The following FBN2 variants were observed in gnomAD, a reference collection of about 807,000 sequenced individuals.
FBN2 encodes the protein fibrillin 2.
Under a neutral mutation model 355.6 loss-of-function variants are expected in FBN2, and 105 were observed. The observed-to-expected ratio is 0.30, with a 90% CI of 0.25 to 0.35. The LOEUF (loss-of-function observed/expected upper bound fraction) is 0.35, where lower values mean the gene tolerates loss of function less well. Among genes scored for constraint, FBN2 ranks in the 10% least tolerant of loss-of-function variants. The pLI, the probability that FBN2 is intolerant of heterozygous loss-of-function variation, is 1.00. For synonymous variants in FBN2, 1,350 were observed against 1,301.2 expected (o/e 1.04, Z -0.81); for missense variants, 3,280 against 3,758.7 (o/e 0.87, Z 3.33).
chr5:128,401,481 A>T (rs1415735385), intron 8 of FBN2, among the ~76,000 whole-genome samples: 8 of 152,174 alleles, frequency 5.3e-5, no homozygotes. Context: ...GAGGTCTTTA[A>T]ATTAAAAAAA....
rs1306636592 is a variant in FBN2 at position 128,483,364 on chromosome 5, A to T, written c.629-18443T>A. 2.6e-5 allele frequency among the ~76,000 whole-genome samples: 4 copies of T among 152,292 alleles called. No homozygotes were observed. In the East Asian group the frequency reaches 7.7e-4, roughly 29 times the overall value. ...GCTCAATAAAATATATGAACAAGGA[A>T]TTAGATGGGCCACACTGATTTAGGG... On this transcript the variant is annotated intron_variant, in intron 5 of 64. Coordinates refer to ENST00000262464, the MANE Select transcript of FBN2 (RefSeq NM_001999.4).
At position 128,397,482 on chromosome 5, in the gene FBN2, C is replaced by A. The variant is rs181519895; in HGVS notation, c.1079-2208G>T. 1.4e-3 allele frequency among the ~76,000 whole-genome samples: 207 copies of A among 152,208 alleles called. 1 individual carries two copies. Among genetic ancestry groups the A allele is most frequent in the African/African-American group, 4.6e-3 (192 of 41,552 alleles). The stretch of plus-strand genomic sequence containing the variant: ...AAAACCATAGCCTTGAGTCAAGAGA[C>A]CTAGTTTTACATTCAAATATTATTA... On this transcript the variant is annotated intron_variant, in intron 8 of 64. Coordinates refer to ENST00000262464, the MANE Select transcript of FBN2 (RefSeq NM_001999.4).
intron 64 of FBN2, 84 bp from the exon 65 acceptor site, chr5:128,259,913 GGTCACGAGGACAGGCT>G: frequency 6.9e-7 from 1 of 1,446,830 alleles, no homozygotes; most frequent in Non-Finnish European, 9.6e-7. Flanking sequence ...CAGGGGCTTT[GGTCACGAGGACAGGCT>G]GTGGCTTCCC....
In FBN2 at chr5:128,291,516, T is replaced by C. The variant is rs745695896; in HGVS notation, c.6292+13A>G. ...AGCGTGAACTGTGACAGTGAAGTCA[T>C]GCCAAATCTTACCAAAGCATCTCCG... On this transcript the variant is annotated intron_variant, in intron 49 of 64. Transcript: ENST00000262464. The C allele has an allele frequency of 1.9e-6, 3 of 1,613,682 alleles. No homozygotes were observed. The African/African-American group carries it at 4.0e-5, about 22-fold the overall frequency.
intron 3 of FBN2, among the ~76,000 whole-genome samples, chr5:128,529,908 T>C (rs1376929399): frequency 3.3e-5 from 5 of 152,172 alleles, no homozygotes; most frequent in Non-Finnish European, 7.4e-5. Context: ...CTGAATCTTA[T>C]TCCTGAGTCA....
At chr5:128,271,824 A>G (rs1008860246) in intron 62 of FBN2, among the ~76,000 whole-genome samples, 175 bp downstream of exon 62, 1 of 152,098 alleles carries the variant, frequency 6.6e-6, no homozygotes, top group African/African-American at 2.4e-5. Context: ...TTTAATAGAT[A>G]TTTTCAAACA....
chr5:128,476,442 C>A (rs1473731696), intron 5 of FBN2, among the ~76,000 whole-genome samples: 1 of 151,256 alleles, frequency 6.6e-6, no homozygotes, highest in Non-Finnish European at 1.5e-5. Context: ...CAAAGAAAAA[C>A]CAAAGAAAAT....
intron 11 of FBN2, among the ~76,000 whole-genome samples, chr5:128,380,990 T>C (rs1025188228): frequency 1.3e-5 from 2 of 151,056 alleles, no homozygotes; most frequent in Admixed American, 1.3e-4. Flanking sequence ...TTATCAAAAT[T>C]GTTAATTTCT....
chr5:128,354,200 C>T (rs1280856532), intron 20 of FBN2, among the ~76,000 whole-genome samples: 2 of 152,122 alleles, frequency 1.3e-5, no homozygotes, highest in African/African-American at 4.8e-5. Context: ...CAATGTGGCA[C>T]CTGAATACAG....
Position 128,273,770 on chromosome 5 carries a change from T to C in FBN2, c.7840+70A>G, listed in dbSNP as rs920133598. 1.1e-5 allele frequency: 17 copies of C among 1,494,234 alleles called. No homozygotes were observed. In the African/African-American group the frequency reaches 1.9e-4, roughly 17 times the overall value. The allele number at this position is 1,494,234 out of a possible 1,614,324, so 92.6% of individuals were successfully genotyped here. ...TTCTTTTTTTCAGATTATACCAATT[T>C]GTCTTGGAAGTTAAAAATATATATG... On this transcript the variant is annotated intron_variant, in intron 61 of 64. Transcript: ENST00000262464.
At chr5:128,310,300 A>G (rs969427884) in intron 39 of FBN2, among the ~76,000 whole-genome samples, 192 bp from the exon 40 acceptor site, 13 of 149,976 alleles carry the variant, frequency 8.7e-5, no homozygotes, top group Non-Finnish European at 1.8e-4. Context: ...AAAAATCCCC[A>G]TATTAAAAAA....
At chr5:128,304,268 A>G (rs1346900480) in intron 45 of FBN2, among the ~76,000 whole-genome samples, 2 of 152,210 alleles carry the variant, frequency 1.3e-5, no homozygotes, top group African/African-American at 2.4e-5. Flanking sequence ...GGCAGAGCCA[A>G]CTGCTGACAT....
intron 5 of FBN2, among the ~76,000 whole-genome samples, chr5:128,467,023 T>C (rs983966504): frequency 6.6e-6 from 1 of 152,206 alleles, no homozygotes; most frequent in Non-Finnish European, 1.5e-5. Flanking sequence ...TTTAGGTCAA[T>C]GTGTGAATAC....
At chr5:128,343,523 T>G (rs1751086628) in intron 25 of FBN2, among the ~76,000 whole-genome samples, 1 of 152,134 alleles carries the variant, frequency 6.6e-6, no homozygotes, top group Non-Finnish European at 1.5e-5. Context: ...GGAAATCCCA[T>G]GGAGAATACG....
intron 62 of FBN2, among the ~76,000 whole-genome samples, chr5:128,267,986 G>A (rs1226432843): frequency 6.6e-6 from 1 of 152,154 alleles, no homozygotes; most frequent in Non-Finnish European, 1.5e-5. Flanking sequence ...AGAAGCAAGA[G>A]CAAGCTAATT....
At chr5:128,409,422 C>T (rs1320617716) in intron 7 of FBN2, among the ~76,000 whole-genome samples, 1 of 152,162 alleles carries the variant, frequency 6.6e-6, no homozygotes, top group Non-Finnish European at 1.5e-5. Flanking sequence ...ATCCATTCAG[C>T]ATACTCAATG....
chr5:128,318,334 C>T (rs1750268987), intron 35 of FBN2, 63 bp from the exon 36 acceptor site: 6 of 1,581,636 alleles, frequency 3.8e-6, no homozygotes, highest in Non-Finnish European at 5.2e-6. Context: ...TACTGCTGTT[C>T]CAAAGAATTT....
chr5:128,376,835 G>T lies in FBN2; in HGVS notation c.1868C>A (p.Thr623Asn), dbSNP rs757777066. Residue 623 changes from threonine (T) to asparagine (N), a missense_variant, in exon 14 of 65, where the codon ACT becomes AAT. Physicochemically the swap from Thr to Asn is moderately conservative, Grantham distance 65. Coordinates refer to ENST00000262464, the MANE Select transcript of FBN2 (RefSeq NM_001999.4). Reference sequence around the variant, plus strand: ...CATTCCATTCAAACACATGTTGGTAGTTGTACATTCATCATGATCTGCAGA... The same window carrying T: ...CATTCCATTCAAACACATGTTGGTATTTGTACATTCATCATGATCTGCAGA... ...KNCVDHDECT[T>N]TNMCLNGMCI... The T allele has an allele frequency of 6.2e-7, 1 of 1,613,434 alleles. No individual in the cohort carries two copies. Among genetic ancestry groups the T allele is most frequent in the Non-Finnish European group, 8.5e-7 (1 of 1,179,614 alleles).
intron 5 of FBN2, among the ~76,000 whole-genome samples, chr5:128,477,020 G>T (rs1230735429): frequency 6.6e-6 from 1 of 152,204 alleles, no homozygotes; most frequent in Non-Finnish European, 1.5e-5. Flanking sequence ...AGAATCTGTG[G>T]CATGAAATTG....
Sources: allele counts gnomAD v4.1 joint callset (sites outside exome capture counted in the v4.1 genomes callset), GRCh38; gene constraint gnomAD v4.1.1; transcripts MANE v1.5; gene names NCBI Gene and HGNC (gene_info 2026-07-23, HGNC 2026-07-21).